BNC2: variants seen among roughly 807,000 people sequenced by gnomAD.
BNC2 encodes zinc finger protein basonuclin-2.
Under a neutral mutation model 76.3 loss-of-function variants are expected in BNC2, and 20 were observed. The observed-to-expected ratio is 0.26, with a 90% CI of 0.18 to 0.38. The LOEUF is 0.38. BNC2 is among the 10% of genes least tolerant of loss of function. The pLI is 1.00. For synonymous variants in BNC2, 582 were observed against 514.8 expected, an observed-to-expected ratio of 1.13 and a Z score of -1.77; for missense variants, 1,382 against 1,399.8, an observed-to-expected ratio of 0.99 and a Z score of 0.20.
chr9:16,793,852 T>TG (rs1385458735), intron 1 of BNC2, among the ~76,000 whole-genome samples: 41 of 130,690 alleles, frequency 3.1e-4, no homozygotes, highest in African/African-American at 1.1e-3. Context: ...TTGTTTTTTG[T>TG]GGTTTTTGTT....
chr9:16,564,148 G>C (rs917268504), intron 4 of BNC2, among the ~76,000 whole-genome samples: 27 of 152,256 alleles, frequency 1.8e-4, no homozygotes, highest in African/African-American at 6.5e-4. Context: ...AAAGATGCTC[G>C]TTGTCTTCCA....
At chr9:16,802,969 T>G (rs1156798198) in intron 1 of BNC2, among the ~76,000 whole-genome samples, 1 of 152,210 alleles carries the variant, frequency 6.6e-6, no homozygotes, top group Non-Finnish European at 1.5e-5. Context: ...AATATTTGGT[T>G]GGTAAAATAG....
At chr9:16,515,253 C>T (rs567390467) in intron 5 of BNC2, among the ~76,000 whole-genome samples, 1 of 152,300 alleles carries the variant, frequency 6.6e-6, no homozygotes, top group African/African-American at 2.4e-5. Flanking sequence ...TGAAATGGAG[C>T]CGCTTCAAAG....
intron 1 of BNC2, among the ~76,000 whole-genome samples, chr9:16,773,902 C>T (rs888725113): frequency 2.6e-5 from 4 of 152,190 alleles, no homozygotes; most frequent in Non-Finnish European, 4.4e-5. Flanking sequence ...TATTATCCCA[C>T]GCCCCCAATC....
At chr9:16,725,803 A>G (rs1824299179) in intron 3 of BNC2, among the ~76,000 whole-genome samples, 1 of 152,200 alleles carries the variant, frequency 6.6e-6, no homozygotes, top group Non-Finnish European at 1.5e-5. Context: ...TTTTTTAGTT[A>G]AAATGTTTTC....
intron 3 of BNC2, among the ~76,000 whole-genome samples, chr9:16,637,298 G>A (rs1303752027): frequency 6.6e-6 from 1 of 152,170 alleles, no homozygotes; most frequent in Non-Finnish European, 1.5e-5. Context: ...CCCCTTTACT[G>A]TTCATGTATT....
At chr9:16,554,743 C>A (rs546871416) in intron 4 of BNC2, among the ~76,000 whole-genome samples, 32 of 152,086 alleles carry the variant, frequency 2.1e-4, no homozygotes, top group African/African-American at 7.5e-4. Flanking sequence ...AGATCGGGGG[C>A]GATCTGCTCC....
chr9:16,427,664 T>A (rs749084916), intron 6 of BNC2, among the ~76,000 whole-genome samples: 5 of 152,008 alleles, frequency 3.3e-5, no homozygotes, highest in African/African-American at 4.8e-5. Flanking sequence ...GTTTGGAGAG[T>A]GTTGGGTTCA....
At chr9:16,458,285 T>C (rs1821498752) in intron 5 of BNC2, among the ~76,000 whole-genome samples, 1 of 152,218 alleles carries the variant, frequency 6.6e-6, no homozygotes, top group African/African-American at 2.4e-5. Flanking sequence ...AGTTATTTAT[T>C]GGAAGATGCA....
At chr9:16,634,988 T>C (rs576517606) in intron 3 of BNC2, among the ~76,000 whole-genome samples, 5 of 152,326 alleles carry the variant, frequency 3.3e-5, no homozygotes, top group African/African-American at 4.8e-5. Context: ...ACAGAATCTA[T>C]TAGTAATGTG....
intron 1 of BNC2, among the ~76,000 whole-genome samples, chr9:16,817,948 G>A (rs1257435623): frequency 6.6e-6 from 1 of 152,144 alleles, no homozygotes; most frequent in South Asian, 2.1e-4. Flanking sequence ...TTTGATGCAA[G>A]CATGGTTCAT....
At chr9:16,812,617 T>C (rs1818080294) in intron 1 of BNC2, among the ~76,000 whole-genome samples, 1 of 152,208 alleles carries the variant, frequency 6.6e-6, no homozygotes, top group Non-Finnish European at 1.5e-5. Flanking sequence ...AGTTTTTTCT[T>C]AAATGTGTGT....
intron 1 of BNC2, among the ~76,000 whole-genome samples, chr9:16,753,810 T>C (rs992477352): frequency 3.3e-5 from 5 of 152,324 alleles, no homozygotes; most frequent in Middle Eastern, 3.4e-3. Flanking sequence ...AAATAAACTT[T>C]AAAAATATCT....
chr9:16,495,453 A>G (rs536231466), intron 5 of BNC2, among the ~76,000 whole-genome samples: 5 of 152,334 alleles, frequency 3.3e-5, no homozygotes, highest in African/African-American at 7.2e-5. Context: ...GTGAATGTCA[A>G]TCTGAAAAAT....
At chr9:16,612,588 A>G (rs1279541859) in intron 3 of BNC2, among the ~76,000 whole-genome samples, 1 of 152,196 alleles carries the variant, frequency 6.6e-6, no homozygotes, top group East Asian at 1.9e-4. Context: ...TCAAATACCT[A>G]CTATGTAGAA....
intron 3 of BNC2, among the ~76,000 whole-genome samples, chr9:16,585,369 A>C (rs773084722): frequency 1.3e-5 from 2 of 152,094 alleles, no homozygotes; most frequent in African/African-American, 4.8e-5. Flanking sequence ...TATGAATTCT[A>C]TTCTTTTTGT....
At chr9:16,457,053 C>T (rs1008449362) in intron 5 of BNC2, among the ~76,000 whole-genome samples, 1 of 152,012 alleles carries the variant, frequency 6.6e-6, no homozygotes, top group Non-Finnish European at 1.5e-5. Flanking sequence ...TGTCTCTCTC[C>T]TTTATCCCTC....
chr9:16,814,280 G>A (rs1276322066), intron 1 of BNC2, among the ~76,000 whole-genome samples: 1 of 152,052 alleles, frequency 6.6e-6, no homozygotes, highest in African/African-American at 2.4e-5. Flanking sequence ...TGCACACAGG[G>A]ACACACACAT....
intron 1 of BNC2, among the ~76,000 whole-genome samples, chr9:16,832,558 A>G (rs140348940): frequency 7.7e-4 from 118 of 152,314 alleles, no homozygotes; most frequent in African/African-American, 2.5e-3. Flanking sequence ...CCCAAGTTCT[A>G]TAATAAACAC....
Sources: allele counts gnomAD v4.1 joint callset (sites outside exome capture counted in the v4.1 genomes callset), GRCh38; gene constraint gnomAD v4.1.1; transcripts MANE v1.5; gene names NCBI Gene and HGNC (gene_info 2026-07-23, HGNC 2026-07-21).